Variants in DIP2B observed in about 807,000 individuals in gnomAD.
DIP2B encodes the protein disco-interacting protein 2 homolog B.
Under a neutral mutation model 198.0 loss-of-function variants are expected in DIP2B, and 76 were observed. The observed-to-expected ratio is 0.38, with a 90% CI of 0.32 to 0.46. DIP2B has a LOEUF of 0.46. DIP2B is among the 20% of genes least tolerant of loss of function. The pLI is 0.99. For synonymous variants in DIP2B, 701 were observed against 739.1 expected (o/e 0.95, Z 0.84); for missense variants, 1,559 against 1,978.4 (o/e 0.79, Z 4.02).
At chr12:50,599,010 C>T (rs1472908094) in intron 1 of DIP2B, among the ~76,000 whole-genome samples, 1 of 132,706 alleles carries the variant, frequency 7.5e-6, no homozygotes, top group Non-Finnish European at 1.6e-5. Context: ...AAACTCTTGG[C>T]TGGGCACAGT....
rs928129752 is a variant in DIP2B, at chr12:50,727,721, G to T, written c.3419G>T (p.Arg1140Met). 14 of 1,614,140 alleles carry T rather than the reference G, an allele frequency of 8.7e-6. No individual in the cohort carries two copies. The East Asian group carries it at 3.1e-4, about 36-fold the overall frequency. ...ATGGCAGATGATTTACCCAGGAAAA[G>T]GTTACCTCAGCTGTATAAACCGCCC... ...IIDTDDLPRKRLPQLYKPPTP... is the reference protein window; with the variant it reads ...IIDTDDLPRKMLPQLYKPPTP... The change falls in exon 29 of 38, where the codon AGG becomes ATG. Residue 1140 changes from arginine (R) to methionine (M), a missense_variant. Arg to Met is a moderately conservative substitution (Grantham distance 91). Coordinates refer to ENST00000301180, the MANE Select transcript of DIP2B (RefSeq NM_173602.3).
In DIP2B at chr12:50,505,250, G is replaced by A. The variant is rs971214767; in HGVS notation, c.100+10G>A. 9.4e-6 allele frequency: 14 copies of A among 1,494,432 alleles called. No homozygotes were observed. The East Asian group carries it at 3.8e-4, about 41-fold the overall frequency. The allele number at this position is 1,494,432 out of a possible 1,614,324, so 92.6% of individuals were successfully genotyped here. On this transcript the variant is annotated intron_variant, in intron 1 of 37. Coordinates refer to ENST00000301180, the MANE Select transcript of DIP2B (RefSeq NM_173602.3). Reference sequence around the variant, plus strand: ...CTGGAGCTCTCGGAGGGTAGGAGCCGGGCCGGGGAGAGGGCGCCCGGGGCC... The same window carrying A: ...CTGGAGCTCTCGGAGGGTAGGAGCCAGGCCGGGGAGAGGGCGCCCGGGGCC...
At position 50,628,263 on chromosome 12, in the gene DIP2B, C is replaced by T. The variant is rs576466006; in HGVS notation, c.172+2216C>T. On this transcript the variant is annotated intron_variant, in intron 2 of 37. Coordinates refer to ENST00000301180, the MANE Select transcript of DIP2B (RefSeq NM_173602.3). ...CTGCACACCTGTAATGCCAGCTACT[C>T]GGGATGCTGAGACAGGAAAATTGCT... Among the ~76,000 whole-genome samples, 83 of 152,062 alleles carry T rather than the reference C, an allele frequency of 5.5e-4. No homozygotes were observed. The South Asian group carries it at 7.1e-3, about 13-fold the overall frequency.
At chr12:50,632,646 C>T (rs1160679077) in intron 2 of DIP2B, among the ~76,000 whole-genome samples, 2 of 151,460 alleles carry the variant, frequency 1.3e-5, no homozygotes, top group Non-Finnish European at 2.9e-5. Flanking sequence ...AAGTGATTCT[C>T]CTGCCTCAGC....
At chr12:50,623,534 C>T (rs1444420337) in intron 1 of DIP2B, among the ~76,000 whole-genome samples, 1 of 151,580 alleles carries the variant, frequency 6.6e-6, no homozygotes, top group African/African-American at 2.4e-5. Flanking sequence ...CACACGCACA[C>T]ACACACACAC....
At chr12:50,635,081 G>A (rs1219343554) in intron 2 of DIP2B, among the ~76,000 whole-genome samples, 1 of 152,164 alleles carries the variant, frequency 6.6e-6, no homozygotes, top group Non-Finnish European at 1.5e-5. Context: ...TTTAAATGAA[G>A]TTGGTACATC....
At chr12:50,660,350 A>T in intron 4 of DIP2B, 31 bp downstream of exon 4, 1 of 1,573,382 alleles carries the variant, frequency 6.4e-7, no homozygotes, top group Non-Finnish European at 8.6e-7. Flanking sequence ...TCTCTCTGAC[A>T]GTTAATACCT....
intron 1 of DIP2B, among the ~76,000 whole-genome samples, chr12:50,558,557 G>A (rs1414894081): frequency 7.9e-5 from 12 of 152,294 alleles, no homozygotes; most frequent in African/African-American, 2.9e-4. Context: ...AACATCTCAA[G>A]TAGCAAAAAG....
chr12:50,539,190 C>T (rs1258729575), intron 1 of DIP2B, among the ~76,000 whole-genome samples: 5 of 150,062 alleles, frequency 3.3e-5, no homozygotes, highest in Non-Finnish European at 7.4e-5. Context: ...TGTGTCTTTT[C>T]TCTTTCATCC....
chr12:50,662,654 T>A (rs1938672014), intron 4 of DIP2B, among the ~76,000 whole-genome samples: 1 of 152,170 alleles, frequency 6.6e-6, no homozygotes, highest in South Asian at 2.1e-4. Flanking sequence ...AACCCAGCGA[T>A]GTGGAATAGG....
At chr12:50,595,292 T>C (rs961471558) in intron 1 of DIP2B, among the ~76,000 whole-genome samples, 6 of 152,236 alleles carry the variant, frequency 3.9e-5, no homozygotes, top group African/African-American at 1.2e-4. Context: ...GTAAGGTTTT[T>C]CATTTTTTAA....
At chr12:50,585,411 A>T (rs979312870) in intron 1 of DIP2B, among the ~76,000 whole-genome samples, 4 of 152,124 alleles carry the variant, frequency 2.6e-5, no homozygotes, top group Non-Finnish European at 5.9e-5. Context: ...GGATGGAGGG[A>T]ATTGAGGGGT....
At chr12:50,741,807 A>T (rs1940249425) in intron 37 of DIP2B, among the ~76,000 whole-genome samples, 1 of 152,142 alleles carries the variant, frequency 6.6e-6, no homozygotes, top group Non-Finnish European at 1.5e-5. Flanking sequence ...TTTTTTAGTG[A>T]TAGACTCTCA....
intron 17 of DIP2B, among the ~76,000 whole-genome samples, chr12:50,697,454 T>C (rs1419947433): frequency 6.6e-6 from 1 of 151,584 alleles, no homozygotes; most frequent in Non-Finnish European, 1.5e-5. Flanking sequence ...AGCTTAAGTA[T>C]GGATAGTATA....
intron 1 of DIP2B, among the ~76,000 whole-genome samples, chr12:50,570,613 G>GCTCA (rs1958604228): frequency 6.6e-6 from 1 of 152,238 alleles, no homozygotes; most frequent in African/African-American, 2.4e-5. Flanking sequence ...GGAAGGCTGA[G>GCTCA]GCGAGAGAAT....
chr12:50,549,995 T>C (rs1265444535), intron 1 of DIP2B, among the ~76,000 whole-genome samples: 1 of 152,214 alleles, frequency 6.6e-6, no homozygotes, highest in Non-Finnish European at 1.5e-5. Flanking sequence ...TTCTGTGTTA[T>C]TGGCACTTTT....
intron 13 of DIP2B, 86 bp downstream of exon 13, chr12:50,691,237 T>A: frequency 1.7e-6 from 2 of 1,184,846 alleles, no homozygotes; most frequent in Non-Finnish European, 2.5e-6. Context: ...GGACCTCATT[T>A]AATGACCGAA....
In DIP2B at chr12:50,737,070, C is replaced by T; in HGVS notation, c.4136C>T (p.Pro1379Leu). The T allele has an allele frequency of 6.2e-7, 1 of 1,613,990 alleles. No homozygotes were observed. The highest frequency in any genetic ancestry group is 8.5e-7 in the Non-Finnish European group (1 of 1,179,950). Residue 1379 changes from proline to leucine, a missense_variant, in exon 35 of 38, where the codon CCT becomes CTT. Pro to Leu is a moderately conservative substitution (Grantham distance 98). Coordinates refer to ENST00000301180, the MANE Select transcript of DIP2B (RefSeq NM_173602.3). ...LPGVKVVIVNPETKGPVGDSH... is the reference protein window; with the variant it reads ...LPGVKVVIVNLETKGPVGDSH... ...GGAGTGAAAGTGGTTATTGTTAATCCTGAGACCAAAGGGCCGGTTGGAGAC... is the reference window on the plus strand; with the variant it reads ...GGAGTGAAAGTGGTTATTGTTAATCTTGAGACCAAAGGGCCGGTTGGAGAC...
chr12:50,541,098 G>T (rs1958321421), intron 1 of DIP2B, among the ~76,000 whole-genome samples: 2 of 152,180 alleles, frequency 1.3e-5, no homozygotes, highest in Non-Finnish European at 2.9e-5. Flanking sequence ...AAAGCTAAGG[G>T]TCACATGAGA....
Sources: allele counts gnomAD v4.1 joint callset (sites outside exome capture counted in the v4.1 genomes callset), GRCh38; gene constraint gnomAD v4.1.1; transcripts MANE v1.5; gene names NCBI Gene and HGNC (gene_info 2026-07-23, HGNC 2026-07-21).